The following SDK1 variants were observed in gnomAD, a reference collection of about 807,000 sequenced individuals.
The protein encoded by SDK1 is protein sidekick-1.
SDK1 carries 157 observed loss-of-function variants against 245.5 expected under a neutral mutation model. The ratio of observed to expected loss-of-function variants is 0.64; its 90% CI spans 0.56 to 0.73. SDK1 has a LOEUF of 0.73. Ranked by LOEUF, SDK1 falls within the 30% of genes least tolerant of loss-of-function variation. The pLI, the probability that SDK1 is intolerant of heterozygous loss-of-function variation, is 0.00. For missense variants in SDK1, 3,583 were observed against 3,002.3 expected (o/e 1.19, Z -4.52); for synonymous variants, 1,647 against 1,278.5 (o/e 1.29, Z -6.15).
intron 1 of SDK1, among the ~76,000 whole-genome samples, chr7:3,527,385 T>C (rs1783176390): frequency 6.6e-6 from 1 of 152,072 alleles, no homozygotes; most frequent in South Asian, 2.1e-4. Flanking sequence ...TGTGCTGTGG[T>C]CATGGAAGGC....
At chr7:3,773,807 G>A (rs1284191491) in intron 4 of SDK1, among the ~76,000 whole-genome samples, 1 of 152,052 alleles carries the variant, frequency 6.6e-6, no homozygotes, top group Middle Eastern at 3.2e-3. Flanking sequence ...CCTTTTGCTG[G>A]GCATGCACAG....
intron 4 of SDK1, among the ~76,000 whole-genome samples, chr7:3,649,146 A>C (rs1261473471): frequency 7.9e-5 from 12 of 152,176 alleles, no homozygotes; most frequent in Non-Finnish European, 1.5e-5. Flanking sequence ...CAGGTAATAC[A>C]CAGGACACTT....
At chr7:3,859,007 C>T (rs930579944) in intron 5 of SDK1, among the ~76,000 whole-genome samples, 6 of 150,866 alleles carry the variant, frequency 4.0e-5, no homozygotes, top group African/African-American at 4.9e-5. Context: ...GGACCACAGG[C>T]GCCCGCCACC....
intron 42 of SDK1, among the ~76,000 whole-genome samples, chr7:4,239,689 G>A (rs1296756807): frequency 5.3e-5 from 8 of 152,144 alleles, no homozygotes; most frequent in African/African-American, 1.2e-4. Context: ...TTGATCCTAC[G>A]GAGCATCCAC....
chr7:3,890,262 A>G (rs1439546084), intron 5 of SDK1, among the ~76,000 whole-genome samples: 1 of 152,234 alleles, frequency 6.6e-6, no homozygotes, highest in African/African-American at 2.4e-5. Flanking sequence ...CGCTAGCCAC[A>G]TGGAGTTGTT....
chr7:3,998,932 A>C (rs1233058121), intron 14 of SDK1, among the ~76,000 whole-genome samples: 1 of 152,176 alleles, frequency 6.6e-6, no homozygotes, highest in Non-Finnish European at 1.5e-5. Flanking sequence ...CCCAAAGCTA[A>C]CCTGAGTGTC....
chr7:4,224,982 C>CAAAAAA (rs3038664), intron 40 of SDK1, among the ~76,000 whole-genome samples: 5 of 43,748 alleles, frequency 1.1e-4, no homozygotes, highest in South Asian at 9.2e-4. Context: ...GACTCTGTCT[C>CAAAAAA]AAAAAAAAAA....
chr7:4,236,403 T>G (rs1313529792), intron 41 of SDK1, among the ~76,000 whole-genome samples: 1 of 151,970 alleles, frequency 6.6e-6, no homozygotes, highest in Non-Finnish European at 1.5e-5. Flanking sequence ...TTTACATGCA[T>G]TTTTTTCTAT....
intron 5 of SDK1, among the ~76,000 whole-genome samples, chr7:3,892,797 G>A (rs887285647): frequency 6.6e-6 from 1 of 152,214 alleles, no homozygotes; most frequent in Non-Finnish European, 1.5e-5. Flanking sequence ...CTGGGAGGCA[G>A]TCCGGAAAGC....
rs528666406 is a variant in SDK1, at chr7:4,137,364, G to A, written c.4228+4941G>A. Among the ~76,000 whole-genome samples, 29 of 152,294 alleles carry A rather than the reference G, an allele frequency of 1.9e-4. No homozygotes were observed. In the East Asian group the frequency reaches 3.7e-3, roughly 19 times the overall value. On this transcript the variant is annotated intron_variant, in intron 28 of 44. Transcript: ENST00000404826. The stretch of plus-strand genomic sequence containing the variant: ...ATTGCTCTGTGTATAGCTGTGCGGC[G>A]TCAGTCTTCAGGCTGACCTGGAGCT...
chr7:3,564,204 A>G (rs1779835647), intron 1 of SDK1, among the ~76,000 whole-genome samples: 1 of 152,164 alleles, frequency 6.6e-6, no homozygotes, highest in Admixed American at 6.5e-5. Context: ...AAAGGTAAGT[A>G]CAGAAAGCAA....
chr7:3,537,554 T>C (rs1282846495), intron 1 of SDK1, among the ~76,000 whole-genome samples: 1 of 152,204 alleles, frequency 6.6e-6, no homozygotes, highest in African/African-American at 2.4e-5. Context: ...CCATGACTCT[T>C]TGGGGTTGAA....
chr7:3,971,033 G>A (rs893555881), intron 11 of SDK1, among the ~76,000 whole-genome samples: 5 of 152,310 alleles, frequency 3.3e-5, no homozygotes, highest in Admixed American at 3.3e-4. Context: ...GTAATATTTA[G>A]CCCTCACAAG....
chr7:3,308,722 C>A (rs1323514356), intron 1 of SDK1, among the ~76,000 whole-genome samples: 1 of 152,060 alleles, frequency 6.6e-6, no homozygotes, highest in Non-Finnish European at 1.5e-5. Flanking sequence ...ACCCTGGGGT[C>A]CATATTATTA....
At chr7:3,911,565 C>G (rs149918477) in intron 5 of SDK1, among the ~76,000 whole-genome samples, 1 of 152,164 alleles carries the variant, frequency 6.6e-6, no homozygotes, top group Non-Finnish European at 1.5e-5. Context: ...GATCCATTCT[C>G]CTCCCCAGAG....
intron 1 of SDK1, among the ~76,000 whole-genome samples, chr7:3,384,605 A>G (rs1296401448): frequency 6.6e-6 from 1 of 152,140 alleles, no homozygotes; most frequent in Non-Finnish European, 1.5e-5. Context: ...ACATCGAAGG[A>G]CTTCGCTGAT....
At chr7:3,399,273 A>T (rs530803477) in intron 1 of SDK1, among the ~76,000 whole-genome samples, 1 of 151,992 alleles carries the variant, frequency 6.6e-6, no homozygotes, top group Admixed American at 6.5e-5. Flanking sequence ...CAGTTATCAT[A>T]CCTTTCAATT....
intron 1 of SDK1, among the ~76,000 whole-genome samples, chr7:3,510,705 T>G (rs1403641300): frequency 6.6e-6 from 1 of 152,076 alleles, no homozygotes; most frequent in African/African-American, 2.4e-5. Context: ...ACCTCAGAGA[T>G]AGCAGTTCTC....
chr7:3,935,628 C>G (rs1038057448), intron 5 of SDK1, among the ~76,000 whole-genome samples: 3 of 152,160 alleles, frequency 2.0e-5, no homozygotes, highest in African/African-American at 7.2e-5. Context: ...TGAAAAAATA[C>G]TCAACATCAC....
Sources: gnomAD v4.1 joint callset for allele counts (sites outside exome capture counted in the v4.1 genomes callset) on GRCh38, gnomAD v4.1.1 for gene constraint, MANE v1.5 for transcripts, NCBI Gene and HGNC (gene_info 2026-07-23, HGNC 2026-07-21) for gene names.